SAMMSON: variants seen among roughly 807,000 people sequenced by gnomAD.
SAMMSON encodes the protein long intergenic non-protein coding RNA 1212.
At chr3:70,293,817 C>T (rs1702264650) in intron 7 of SAMMSON, among the ~76,000 whole-genome samples, 1 of 151,716 alleles carries the variant, frequency 6.6e-6, no homozygotes, top group African/African-American at 2.4e-5. Flanking sequence ...CCTTAGGAAC[C>T]TGGTTATATT....
At chr3:70,393,966 A>G (rs1258144421), downstream of SAMMSON, among the ~76,000 whole-genome samples, 1 of 152,166 alleles carries the variant, frequency 6.6e-6, no homozygotes, top group Non-Finnish European at 1.5e-5. Flanking sequence ...AATGGATGAG[A>G]GGGAGGCATG....
chr3:70,398,410 A>T (rs897494578), intron 2 of SAMMSON, among the ~76,000 whole-genome samples: 1 of 152,188 alleles, frequency 6.6e-6, no homozygotes, highest in Non-Finnish European at 1.5e-5. Context: ...ATTTAGAAAA[A>T]CTGGTTTCTT....
intron 6 of SAMMSON, among the ~76,000 whole-genome samples, chr3:70,290,591 G>T (rs1157999203): frequency 1.3e-5 from 2 of 152,238 alleles, no homozygotes; most frequent in East Asian, 1.9e-4. Flanking sequence ...GCTCCACCCA[G>T]TTCGAGTTTC....
intron 4 of SAMMSON, among the ~76,000 whole-genome samples, chr3:70,128,309 T>G (rs538630922): frequency 6.6e-6 from 1 of 152,312 alleles, no homozygotes; most frequent in East Asian, 1.9e-4. Context: ...AATGTGTATA[T>G]TACTGATAAG....
chr3:70,131,571 T>TA (rs1356624213), intron 4 of SAMMSON, among the ~76,000 whole-genome samples: 3 of 152,120 alleles, frequency 2.0e-5, no homozygotes, highest in Non-Finnish European at 4.4e-5. Flanking sequence ...AGGGTTTAGT[T>TA]AATGCAAGGC....
chr3:70,256,464 T>G (rs2106657066), intron 6 of SAMMSON, among the ~76,000 whole-genome samples: 1 of 152,376 alleles, frequency 6.6e-6, no homozygotes, highest in Middle Eastern at 3.4e-3. Flanking sequence ...GGAGGTATAT[T>G]AACTCTTTGA....
At chr3:70,268,678 T>C (rs1419866212) in intron 6 of SAMMSON, among the ~76,000 whole-genome samples, 1 of 152,204 alleles carries the variant, frequency 6.6e-6, no homozygotes, top group Non-Finnish European at 1.5e-5. Context: ...CTCTCTTCTT[T>C]TGTTTTTGCA....
intron 4 of SAMMSON, among the ~76,000 whole-genome samples, chr3:70,129,305 A>G (rs182442884): frequency 2.6e-4 from 39 of 152,310 alleles, no homozygotes; most frequent in Admixed American, 2.4e-3. Context: ...TTTTTGACAT[A>G]TATCATTTCA....
At chr3:70,030,105 G>A (rs2067058736) in intron 3 of SAMMSON, among the ~76,000 whole-genome samples, 1 of 152,130 alleles carries the variant, frequency 6.6e-6, no homozygotes, top group Non-Finnish European at 1.5e-5. Flanking sequence ...TGTAAAGCTT[G>A]GTTTAATATT....
intron 7 of SAMMSON, among the ~76,000 whole-genome samples, chr3:70,305,231 C>T (rs894316234): frequency 3.6e-4 from 54 of 151,576 alleles, no homozygotes; most frequent in African/African-American, 1.2e-3. Flanking sequence ...TTTTTTTTTC[C>T]GTCGGCTATG....
intron 4 of SAMMSON, among the ~76,000 whole-genome samples, chr3:70,119,809 T>G (rs1430904811): frequency 6.6e-6 from 1 of 152,200 alleles, no homozygotes; most frequent in African/African-American, 2.4e-5. Flanking sequence ...TAAGAAAGCA[T>G]GCACATGAAT....
chr3:70,039,899 C>G (rs2067100246), intron 3 of SAMMSON, among the ~76,000 whole-genome samples: 1 of 152,094 alleles, frequency 6.6e-6, no homozygotes, highest in Admixed American at 6.6e-5. Context: ...GAGGAATAAA[C>G]AGCATGGAAT....
At chr3:70,238,118 A>G (rs544277776) in intron 4 of SAMMSON, among the ~76,000 whole-genome samples, 1 of 151,070 alleles carries the variant, frequency 6.6e-6, no homozygotes, top group African/African-American at 2.4e-5. Context: ...ACACAGACAT[A>G]TGATAGCCAG....
chr3:70,012,764 TGCAA>T (rs1337144350), intron 2 of SAMMSON, among the ~76,000 whole-genome samples: 2 of 152,104 alleles, frequency 1.3e-5, no homozygotes, highest in Non-Finnish European at 2.9e-5. Context: ...CTGTAGAAGG[TGCAA>T]CTTTGAGTGT....
At chr3:70,108,472 CTTGTTT>C (rs1370888130) in intron 4 of SAMMSON, among the ~76,000 whole-genome samples, 1 of 126,696 alleles carries the variant, frequency 7.9e-6, no homozygotes, top group Non-Finnish European at 1.6e-5. Context: ...CTGAGTTAGA[CTTGTTT>C]TTCCCTAATT....
intron 2 of SAMMSON, among the ~76,000 whole-genome samples, chr3:70,395,921 A>C (rs12486329): frequency 6.6e-6 from 1 of 151,726 alleles, no homozygotes; most frequent in South Asian, 2.1e-4. Flanking sequence ...AGCTCATCCA[A>C]CCCTTCCTAT....
At chr3:70,353,097 A>G (rs1310107301) in intron 7 of SAMMSON, among the ~76,000 whole-genome samples, 1 of 151,988 alleles carries the variant, frequency 6.6e-6, no homozygotes, top group Non-Finnish European at 1.5e-5. Context: ...ATAACCTATC[A>G]ATGGACTTAA....
At chr3:70,047,882 A>AT (rs1423052609) in intron 3 of SAMMSON, among the ~76,000 whole-genome samples, 3 of 152,036 alleles carry the variant, frequency 2.0e-5, no homozygotes, top group Admixed American at 1.3e-4. Flanking sequence ...CTTGCAAACC[A>AT]TTTTTTATAG....
At chr3:70,181,313 A>G (rs1701051872) in intron 4 of SAMMSON, among the ~76,000 whole-genome samples, 1 of 152,218 alleles carries the variant, frequency 6.6e-6, no homozygotes, top group Non-Finnish European at 1.5e-5. Flanking sequence ...CAGAGGTTCA[A>G]GTTTTAAGCT....
Sources: allele counts gnomAD v4.1 joint callset (sites outside exome capture counted in the v4.1 genomes callset), GRCh38; gene constraint gnomAD v4.1.1; transcripts MANE v1.5; gene names NCBI Gene and HGNC (gene_info 2026-07-23, HGNC 2026-07-21).